The following BMP2 variants were observed in gnomAD, a reference collection of about 807,000 sequenced individuals.
BMP2 encodes the protein bone morphogenetic protein 2A.
A neutral mutation model predicts 28.8 loss-of-function variants in BMP2; 2 were observed. The ratio of observed to expected loss-of-function variants is 0.07; its 90% CI spans 0.03 to 0.22. The LOEUF is 0.22. Among genes scored for constraint, BMP2 ranks in the 10% least tolerant of loss-of-function variants. The probability of loss-of-function intolerance (pLI) is 1.00; values close to 1 mark genes in which losing one functional copy is unlikely to be tolerated. For missense variants in BMP2, 437 were observed against 517.7 expected, an observed-to-expected ratio of 0.84 and a Z score of 1.51; for synonymous variants, 218 against 204.3, an observed-to-expected ratio of 1.07 and a Z score of -0.57.
chr20:6,779,091 A>G lies in BMP2; in HGVS notation c.*2A>G. 1 of 1,480,836 alleles carries G rather than the reference A, an allele frequency of 6.8e-7. No individual in the cohort carries two copies. Among genetic ancestry groups the G allele is most frequent in the Non-Finnish European group, 9.0e-7 (1 of 1,111,830 alleles). 91.7% of individuals were successfully genotyped at this position (1,480,836 alleles called of 1,614,324 possible). On this transcript the variant is annotated 3_prime_UTR_variant, in exon 3 of 3. Coordinates refer to ENST00000378827, the MANE Select transcript of BMP2 (RefSeq NM_001200.4). ...GTGGAGGGTTGTGGGTGTCGCTAGT[A>G]CAGCAAAATTAAATACATAAATATA...
rs1445876196 is a variant in BMP2 at position 6,779,719 on chromosome 20, A to G, written c.*630A>G. 1 of 152,640 alleles carries G rather than the reference A, an allele frequency of 6.6e-6. No homozygotes were observed. Among genetic ancestry groups the G allele is most frequent in the African/African-American group, 2.4e-5 (1 of 41,450 alleles). The allele number at this position is 152,640 out of a possible 1,614,324, so 9.5% of individuals were successfully genotyped here. A position where few individuals can be genotyped will look rare whatever the true frequency, so the allele number is the denominator to read the frequency against. On this transcript the variant is annotated 3_prime_UTR_variant, in exon 3 of 3. Transcript: ENST00000378827. Reference sequence around the variant, plus strand: ...GTGATTGTCCAATCCATGAGAATTTACATCCTTATTAGGTGGAATATTTGG... The same window carrying G: ...GTGATTGTCCAATCCATGAGAATTTGCATCCTTATTAGGTGGAATATTTGG...
intron 2 of BMP2, 57 bp downstream of exon 2, chr20:6,770,529 TG>T: frequency 1.3e-6 from 2 of 1,491,422 alleles, no homozygotes; most frequent in South Asian, 1.3e-5. Flanking sequence ...CCCTCCACCG[TG>T]GGCAGACTGC....
At chr20:6,774,102 T>C (rs1459214157) in intron 2 of BMP2, among the ~76,000 whole-genome samples, 2 of 152,156 alleles carry the variant, frequency 1.3e-5, no homozygotes, top group Non-Finnish European at 2.9e-5. Context: ...ATATTTCTGT[T>C]CATTTAGTTG....
rs898399612 is a variant in BMP2 at position 6,768,738 on chromosome 20, G to A, written c.-145G>A. The A allele has an allele frequency of 2.1e-4, 82 of 397,734 alleles. No homozygotes were observed. The highest frequency in any genetic ancestry group is 3.2e-4 in the Non-Finnish European group (73 of 225,774). 24.6% of individuals were successfully genotyped at this position (397,734 alleles called of 1,614,324 possible). A position where few individuals can be genotyped will look rare whatever the true frequency, so the allele number is the denominator to read the frequency against. The stretch of plus-strand genomic sequence containing the variant: ...AAGAGAGACTGCGCGGCCGGCACCC[G>A]GGAGAAGGAGGAGGCAAAGAAAAGG... On this transcript the variant is annotated 5_prime_UTR_variant, in exon 1 of 3. Coordinates refer to ENST00000378827, the MANE Select transcript of BMP2 (RefSeq NM_001200.4).
intron 2 of BMP2, among the ~76,000 whole-genome samples, chr20:6,772,717 G>A (rs1986424773): frequency 6.6e-6 from 1 of 152,174 alleles, no homozygotes; most frequent in Non-Finnish European, 1.5e-5. Context: ...ATTACTCGAC[G>A]AGATATCATG....
At position 6,778,300 on chromosome 20, in the gene BMP2, T is replaced by C. The variant is rs2122390014; in HGVS notation, c.402T>C (p.Phe134=). 1 of 1,610,528 alleles carries C rather than the reference T, an allele frequency of 6.2e-7. No individual in the cohort carries two copies. The highest frequency in any genetic ancestry group is 1.1e-5 in the South Asian group (1 of 89,996). Residue 134 remains phenylalanine, a synonymous_variant, in exon 3 of 3, where the codon TTT becomes TTC. Coordinates refer to ENST00000378827, the MANE Select transcript of BMP2 (RefSeq NM_001200.4). This position sits in a 1 kb window ranked among gnomAD's most constrained non-coding sequence, Gnocchi z 5.0. The part of the protein sequence containing the change: ...TSGKTTRRFF[F]NLSSIPTEEF... ...GGAAAACAACCCGGAGATTCTTCTT[T>C]AATTTAAGTTCTATCCCCACGGAGG...
Position 6,770,442 on chromosome 20 carries a change from G to A in BMP2, c.316G>A (p.Ala106Thr), listed in dbSNP as rs2273074. 147 of 1,605,084 alleles carry A rather than the reference G, an allele frequency of 9.2e-5. 1 individual carries two copies. The East Asian group carries it at 3.2e-3, about 34-fold the overall frequency. The change falls in exon 2 of 3, where the codon GCC becomes ACC. Residue 106 changes from alanine (A) to threonine (T), a missense_variant. Physicochemically the swap from Ala to Thr is moderately conservative, Grantham distance 58 (BLOSUM62 0). Around this residue, in one of 2 missense-constraint regions of BMP2, gnomAD observed 363 missense variants for 392.8 expected, o/e 0.92. Transcript: ENST00000378827. ...DHRLERAASR[A>T]NTVRSFHHEE... Reference sequence around the variant, plus strand: ...CCGGTTGGAGAGGGCAGCCAGCCGAGCCAACACTGTGCGCAGCTTCCACCA... The same window carrying A: ...CCGGTTGGAGAGGGCAGCCAGCCGAACCAACACTGTGCGCAGCTTCCACCA...
chr20:6,775,367 C>T (rs534329278), intron 2 of BMP2, among the ~76,000 whole-genome samples: 37 of 152,256 alleles, frequency 2.4e-4, no homozygotes, highest in Non-Finnish European at 3.8e-4. Context: ...TTTCTGTGAA[C>T]GTCTAACTTA....
chr20:6,769,864 G>C (rs1280507921), intron 1 of BMP2, among the ~76,000 whole-genome samples: 3 of 152,176 alleles, frequency 2.0e-5, no homozygotes, highest in Middle Eastern at 3.4e-3. Flanking sequence ...TTGGGGGGGA[G>C]GGCAAATCCC....
In BMP2 at chr20:6,778,211, C is replaced by G. The variant is rs1279206133; in HGVS notation, c.347-34C>G. The G allele has an allele frequency of 6.5e-7, 1 of 1,541,740 alleles. No individual in the cohort carries two copies. On this transcript the variant is annotated intron_variant, in intron 2 of 2. Coordinates refer to ENST00000378827, the MANE Select transcript of BMP2 (RefSeq NM_001200.4). The surrounding 1 kb of genome is among the most constrained non-coding windows in gnomAD (Gnocchi z 5.0). ...TTGGCTTACTGAAATTCAGACTTTT[C>G]TTTTTTCTTCCCTGTTTTTCTCTAT...
intron 2 of BMP2, among the ~76,000 whole-genome samples, chr20:6,772,355 A>T (rs1416347597): frequency 6.6e-6 from 1 of 152,242 alleles, no homozygotes; most frequent in African/African-American, 2.4e-5. Flanking sequence ...TCAGGTCTTA[A>T]TGCAGTTAGA....
chr20:6,778,564 C>T lies in BMP2; in HGVS notation c.666C>T (p.Ala222=), dbSNP rs1767154515. 1.2e-6 allele frequency: 2 copies of T among 1,614,014 alleles called. No individual in the cohort carries two copies. The highest frequency in any genetic ancestry group is 2.7e-5 in the African/African-American group (2 of 74,902). The change falls in exon 3 of 3, where the codon GCC becomes GCT. Residue 222 remains alanine (A), a synonymous_variant. Transcript: ENST00000378827. The surrounding 1 kb of genome is among the most constrained non-coding windows in gnomAD (Gnocchi z 5.0). Reference sequence around the variant, plus strand: ...TGCGGTGGACTGCACAGGGACACGCCAACCATGGATTCGTGGTGGAAGTGG... The same window carrying T: ...TGCGGTGGACTGCACAGGGACACGCTAACCATGGATTCGTGGTGGAAGTGG... ...AVMRWTAQGH[A]NHGFVVEVAH... is the part of the protein sequence containing the mutation.
chr20:6,773,750 A>T (rs11087743), intron 2 of BMP2, among the ~76,000 whole-genome samples: 35,189 of 151,660 alleles, frequency 0.23, 4,640 homozygotes, highest in Middle Eastern at 0.38. Context: ...TTTCTCCTTG[A>T]TCAGTTGTCT....
rs1461049416 is a variant in BMP2 at position 6,768,477 on chromosome 20, G to A, written c.-406G>A. The A allele has an allele frequency of 1.0e-5, 4 of 393,046 alleles. No homozygotes were observed. The highest frequency in any genetic ancestry group is 8.3e-5 in the African/African-American group (4 of 48,304). The allele number at this position is 393,046 out of a possible 1,614,324, so 24.3% of individuals were successfully genotyped here. On this transcript the variant is annotated 5_prime_UTR_variant, in exon 1 of 3. Transcript: ENST00000378827. ...GCGCTGGTTCCTAAGGAGGACGACA[G>A]CACCAGCTTCTCCTTTCTCCCTTCC...
intron 2 of BMP2, among the ~76,000 whole-genome samples, chr20:6,777,581 A>G (rs2122388910): frequency 6.6e-6 from 1 of 152,294 alleles, no homozygotes; most frequent in African/African-American, 2.4e-5. Flanking sequence ...GGCCTTAATT[A>G]CTACAGTGTC....
At chr20:6,769,030 A>G (rs1021237688) in intron 1 of BMP2, among the ~76,000 whole-genome samples, 155 bp downstream of exon 1, 3 of 152,108 alleles carry the variant, frequency 2.0e-5, no homozygotes, top group Non-Finnish European at 4.4e-5. Flanking sequence ...TCCCACTTCC[A>G]GCTGCCCCGG....
At position 6,778,599 on chromosome 20, in the gene BMP2, A is replaced by G. The variant is rs1395477404; in HGVS notation, c.701A>G (p.Glu234Gly). 1 of 1,614,034 alleles carries G rather than the reference A, an allele frequency of 6.2e-7. No individual in the cohort carries two copies. The highest frequency in any genetic ancestry group is 1.7e-5 in the Admixed American group (1 of 60,008). ...HGFVVEVAHL[E>G]EKQGVSKRHV... is the part of the protein sequence containing the mutation. ...TTCGTGGTGGAAGTGGCCCACTTGG[A>G]GGAGAAACAAGGTGTCTCCAAGAGA... The change falls in exon 3 of 3, where the codon GAG (glutamate) becomes GGG (glycine). Residue 234 changes from glutamate to glycine, a missense_variant. Physicochemically the swap from Glu to Gly is moderately conservative, Grantham distance 98. Around this residue, in one of 2 missense-constraint regions of BMP2, gnomAD observed 363 missense variants for 392.8 expected, o/e 0.92. Transcript: ENST00000378827. The surrounding 1 kb of genome is among the most constrained non-coding windows in gnomAD (Gnocchi z 5.0).
At chr20:6,769,075 T>A (rs1568547183) in intron 1 of BMP2, among the ~76,000 whole-genome samples, 200 bp downstream of exon 1, 1 of 152,236 alleles carries the variant, frequency 6.6e-6, no homozygotes, top group Non-Finnish European at 1.5e-5. Flanking sequence ...GCCCGCACTC[T>A]TCCACCCCTC....
chr20:6,772,383 G>A (rs1345881372), intron 2 of BMP2, among the ~76,000 whole-genome samples: 2 of 152,202 alleles, frequency 1.3e-5, no homozygotes, highest in East Asian at 3.8e-4. Flanking sequence ...GAAAAGCTAT[G>A]TAATTTTGCC....
Sources: gnomAD v4.1 joint callset for allele counts (sites outside exome capture counted in the v4.1 genomes callset) on GRCh38, gnomAD v4.1.1 for gene constraint, gnomAD v4.1.1 regional missense constraint, Gnocchi (gnomAD v3.1) non-coding constraint, MANE v1.5 for transcripts, NCBI Gene and HGNC (gene_info 2026-07-23, HGNC 2026-07-21) for gene names.